Variants in KCNG3 observed in about 807,000 individuals in gnomAD.
KCNG3 encodes voltage-gated potassium channel regulatory subunit KCNG3.
In KCNG3, 15 loss-of-function variants were observed where a neutral mutation model predicts 29.0. That is an observed-to-expected ratio of 0.52 (90% CI 0.35 to 0.80). The LOEUF (loss-of-function observed/expected upper bound fraction) is 0.80. Among genes scored for constraint, KCNG3 ranks in the 30% least tolerant of loss-of-function variants. KCNG3 has a pLI of 0.01. For synonymous variants in KCNG3, 322 were observed against 248.9 expected, an observed-to-expected ratio of 1.29 and a Z score of -2.76; for missense variants, 512 against 605.7, an observed-to-expected ratio of 0.85 and a Z score of 1.62.
downstream of KCNG3, among the ~76,000 whole-genome samples, chr2:42,440,069 G>C (rs538206623): frequency 3.0e-3 from 452 of 152,312 alleles, 1 homozygote; most frequent in African/African-American, 0.01. Context: ...TGACACTAGA[G>C]TGACCATGGC....
At chr2:42,464,663 C>T (rs1169190957) in intron 1 of KCNG3, among the ~76,000 whole-genome samples, 1 of 152,194 alleles carries the variant, frequency 6.6e-6, no homozygotes, top group Non-Finnish European at 1.5e-5. Context: ...CTTCTCACGC[C>T]TCTTGCCTTT....
chr2:42,471,184 G>GTGTGTGTA (rs962557511), intron 1 of KCNG3, among the ~76,000 whole-genome samples: 9 of 147,956 alleles, frequency 6.1e-5, no homozygotes, highest in African/African-American at 2.0e-4. Flanking sequence ...GTGTGTGTGT[G>GTGTGTGTA]TATATATATA....
intron 1 of KCNG3, among the ~76,000 whole-genome samples, chr2:42,483,574 C>T (rs967271706): frequency 6.6e-6 from 1 of 152,168 alleles, no homozygotes; most frequent in Non-Finnish European, 1.5e-5. Context: ...AAATCTCAGG[C>T]ATAAAACTGG....
At chr2:42,395,790 T>TA in the KCNG3 span, among the ~76,000 whole-genome samples, 44,445 of 151,602 alleles carry the variant, frequency 0.29, 6,976 homozygotes, top group East Asian at 0.57. Context: ...CCCATCTTTA[T>TA]AAAAAATTTT....
At chr2:42,462,907 G>A (rs1673052760) in intron 1 of KCNG3, among the ~76,000 whole-genome samples, 1 of 152,026 alleles carries the variant, frequency 6.6e-6, no homozygotes, top group Admixed American at 6.6e-5. Context: ...GGCATCTCTA[G>A]AAGGGCTACC....
chr2:42,471,692 T>C (rs1019280962), intron 1 of KCNG3, among the ~76,000 whole-genome samples: 1 of 152,052 alleles, frequency 6.6e-6, no homozygotes. Flanking sequence ...AACATGCAGA[T>C]AAATGTTTTT....
At chr2:42,456,848 C>A (rs1423020712) in intron 1 of KCNG3, among the ~76,000 whole-genome samples, 1 of 152,120 alleles carries the variant, frequency 6.6e-6, no homozygotes, top group East Asian at 1.9e-4. Context: ...CAGCAAACTG[C>A]ACATCAACAG....
chr2:42,399,506 G>A, the KCNG3 span, among the ~76,000 whole-genome samples: 5 of 152,176 alleles, frequency 3.3e-5, no homozygotes, highest in African/African-American at 1.2e-4. Context: ...CAAAGTGAGA[G>A]TGAGGCTGGC....
the KCNG3 span, among the ~76,000 whole-genome samples, chr2:42,426,832 A>T: frequency 6.6e-6 from 1 of 152,240 alleles, no homozygotes; most frequent in Non-Finnish European, 1.5e-5. Context: ...TGTTTGCAAG[A>T]CAGAAGTGTT....
At chr2:42,492,187 A>G (rs1197904644) in intron 1 of KCNG3, among the ~76,000 whole-genome samples, 1 of 152,132 alleles carries the variant, frequency 6.6e-6, no homozygotes, top group African/African-American at 2.4e-5. Context: ...CATATCATAG[A>G]CCCTCTGAAA....
At chr2:42,439,007 C>T (rs976786839), downstream of KCNG3, among the ~76,000 whole-genome samples, 2 of 152,092 alleles carry the variant, frequency 1.3e-5, no homozygotes, top group African/African-American at 2.4e-5. Context: ...AGCTTCAACC[C>T]ATGTTACTTG....
At chr2:42,430,816 G>A in the KCNG3 span, among the ~76,000 whole-genome samples, 1 of 151,816 alleles carries the variant, frequency 6.6e-6, no homozygotes, top group African/African-American at 2.4e-5. Context: ...AAAAATAAAA[G>A]ACCGATTTTT....
Position 42,493,262 on chromosome 2 carries a change from G to T in KCNG3, c.240C>A (p.His80Gln). 1 of 1,612,204 alleles carries T rather than the reference G, an allele frequency of 6.2e-7. No individual in the cohort carries two copies. Residue 80 changes from histidine to glutamine, a missense_variant, in exon 1 of 2, where the codon CAC becomes CAA. His to Gln is a conservative substitution (Grantham distance 24). This residue lies in a region of KCNG3 where 91 missense variants were observed against 91.1 expected (regional missense o/e 1.00). Transcript: ENST00000306078. ...TCCGCGGCGCGAAGCGCAGCTTGCCGTGGCCGCGCACGTAGAGCAGGATGA... is the reference window on the plus strand; with the variant it reads ...TCCGCGGCGCGAAGCGCAGCTTGCCTTGGCCGCGCACGTAGAGCAGGATGA... ...FGFILLYVRGHGKLRFAPRMC... is the reference protein window; with the variant it reads ...FGFILLYVRGQGKLRFAPRMC...
the KCNG3 span, among the ~76,000 whole-genome samples, chr2:42,432,891 G>C: frequency 1.3e-5 from 2 of 148,682 alleles, no homozygotes; most frequent in African/African-American, 5.0e-5. Context: ...CACGAAGTCT[G>C]TCCATTTCTT....
chr2:42,410,574 G>A, the KCNG3 span, among the ~76,000 whole-genome samples: 6 of 152,072 alleles, frequency 3.9e-5, no homozygotes, highest in Non-Finnish European at 8.8e-5. Flanking sequence ...GCAAGTAGGG[G>A]ACTTTATATT....
chr2:42,471,665 G>A (rs886894592), intron 1 of KCNG3, among the ~76,000 whole-genome samples: 16 of 151,942 alleles, frequency 1.1e-4, no homozygotes, highest in African/African-American at 2.7e-4. Flanking sequence ...TTTAAAAAAG[G>A]AATGAGCAAT....
the KCNG3 span, among the ~76,000 whole-genome samples, chr2:42,426,936 G>C: frequency 1.3e-5 from 2 of 152,070 alleles, no homozygotes; most frequent in Non-Finnish European, 2.9e-5. Flanking sequence ...AGAAAGTGAG[G>C]TATAACTTTA....
chr2:42,394,321 C>T, the KCNG3 span, among the ~76,000 whole-genome samples: 1 of 152,158 alleles, frequency 6.6e-6, no homozygotes, highest in Non-Finnish European at 1.5e-5. Flanking sequence ...CACCACGGCA[C>T]AGCAAACAGC....
the KCNG3 span, among the ~76,000 whole-genome samples, chr2:42,428,475 A>AG: frequency 0.14 from 19,929 of 143,796 alleles, 1,473 homozygotes; most frequent in African/African-American, 0.17. Context: ...AAAAAAAAAA[A>AG]AAAGAAAAGA....
Sources: gnomAD v4.1 joint callset for allele counts (sites outside exome capture counted in the v4.1 genomes callset) on GRCh38, gnomAD v4.1.1 for gene constraint, gnomAD v4.1.1 regional missense constraint, MANE v1.5 for transcripts, NCBI Gene and HGNC (gene_info 2026-07-23, HGNC 2026-07-21) for gene names.